The following RASAL2 variants were observed in gnomAD, a reference collection of about 807,000 sequenced individuals.
RASAL2 encodes RAS protein activator like 2, also known as ras GTPase-activating protein nGAP.
A neutral mutation model predicts 128.9 loss-of-function variants in RASAL2; 58 were observed. The ratio of observed to expected loss-of-function variants is 0.45; its 90% CI spans 0.36 to 0.56. The LOEUF (loss-of-function observed/expected upper bound fraction) is 0.56, where lower values mean the gene tolerates loss of function less well. Among genes scored for constraint, RASAL2 ranks in the 20% least tolerant of loss-of-function variants. The pLI, the probability that RASAL2 is intolerant of heterozygous loss-of-function variation, is 0.00. For missense variants in RASAL2, 1,360 were observed against 1,601.6 expected (o/e 0.85, Z 2.57); for synonymous variants, 561 against 580.8 (o/e 0.97, Z 0.49).
intron 3 of RASAL2, among the ~76,000 whole-genome samples, chr1:178,363,400 C>T (rs1194800305): frequency 6.6e-6 from 1 of 152,030 alleles, no homozygotes; most frequent in Admixed American, 6.5e-5. Flanking sequence ...TTGATATTAA[C>T]CCCTTATCAG....
At chr1:178,138,034 C>T (rs1011753301) in intron 1 of RASAL2, among the ~76,000 whole-genome samples, 6 of 152,180 alleles carry the variant, frequency 3.9e-5, no homozygotes, top group African/African-American at 1.4e-4. Flanking sequence ...CTGCTCAGTG[C>T]TTTCCAGAAG....
At chr1:178,303,016 C>CA (rs765163010) in intron 3 of RASAL2, among the ~76,000 whole-genome samples, 160 of 146,860 alleles carry the variant, frequency 1.1e-3, no homozygotes, top group African/African-American at 2.6e-3. Context: ...CACTCCATCT[C>CA]AAAAAAAAAC....
intron 1 of RASAL2, among the ~76,000 whole-genome samples, chr1:178,143,639 G>A (rs1458334064): frequency 1.3e-5 from 2 of 152,026 alleles, no homozygotes; most frequent in East Asian, 3.9e-4. Context: ...ATCAGTGTAT[G>A]CAAATGAATA....
At chr1:178,201,813 G>A (rs1371382588) in intron 1 of RASAL2, among the ~76,000 whole-genome samples, 3 of 152,170 alleles carry the variant, frequency 2.0e-5, no homozygotes, top group Non-Finnish European at 4.4e-5. Context: ...AAACGTTCAG[G>A]TCAAGTGGAC....
intron 1 of RASAL2, among the ~76,000 whole-genome samples, chr1:178,110,544 TATAC>T (rs1659265441): frequency 6.9e-6 from 1 of 145,954 alleles, no homozygotes; most frequent in Non-Finnish European, 1.5e-5. Flanking sequence ...ATATACTATA[TATAC>T]AGTGTATATA....
chr1:178,323,265 C>G (rs767706088), intron 3 of RASAL2, among the ~76,000 whole-genome samples: 22 of 152,272 alleles, frequency 1.4e-4, no homozygotes, highest in Non-Finnish European at 2.8e-4. Flanking sequence ...ATCACCATAG[C>G]AGGTTGTTTT....
chr1:178,242,025 T>G (rs989466307), intron 1 of RASAL2, among the ~76,000 whole-genome samples: 2 of 152,196 alleles, frequency 1.3e-5, no homozygotes, highest in Non-Finnish European at 2.9e-5. Flanking sequence ...GTTTGTTTCT[T>G]GATTTATTTA....
chr1:178,219,514 G>C (rs141980953), intron 1 of RASAL2, among the ~76,000 whole-genome samples: 1 of 151,626 alleles, frequency 6.6e-6, no homozygotes, highest in East Asian at 1.9e-4. Flanking sequence ...GGTGGTGCAC[G>C]CACATAGTCC....
rs1026280431 is a variant in RASAL2 at position 178,164,639 on chromosome 1, G to A, written c.202+69945G>A. ...ACAGGATTTTTTTCTCTGTTTTAAA[G>A]AAGGCAGAAATATATATTCCTGGGT... On this transcript the variant is annotated intron_variant, in intron 1 of 17. Transcript: ENST00000367649. 2.0e-5 allele frequency among the ~76,000 whole-genome samples: 3 copies of A among 151,868 alleles called. No homozygotes were observed. The East Asian group carries it at 5.8e-4, about 29-fold the overall frequency.
At chr1:178,311,253 A>ACACACACACACACACACACACAC (rs1668232217) in intron 3 of RASAL2, among the ~76,000 whole-genome samples, 3 of 143,602 alleles carry the variant, frequency 2.1e-5, no homozygotes, top group Admixed American at 1.4e-4. Context: ...CACACACACA[A>ACACACACACACACACACACACAC]ACACACACAC....
chr1:178,356,262 A>G (rs1670806043), intron 3 of RASAL2, among the ~76,000 whole-genome samples: 1 of 152,094 alleles, frequency 6.6e-6, no homozygotes, highest in African/African-American at 2.4e-5. Flanking sequence ...GTTGTCAAGC[A>G]TATAGAGCAA....
intron 3 of RASAL2, among the ~76,000 whole-genome samples, chr1:178,366,211 A>G (rs1028811426): frequency 6.6e-6 from 1 of 152,240 alleles, no homozygotes; most frequent in Non-Finnish European, 1.5e-5. Context: ...AAATGCATAT[A>G]TATAATAAAA....
At chr1:178,267,462 A>C (rs1666014497) in intron 1 of RASAL2, among the ~76,000 whole-genome samples, 1 of 144,242 alleles carries the variant, frequency 6.9e-6, no homozygotes, top group Non-Finnish European at 1.5e-5. Context: ...GAATATCATT[A>C]TTATTTTTCC....
At chr1:178,383,675 T>A (rs1168581951) in intron 3 of RASAL2, among the ~76,000 whole-genome samples, 2 of 152,186 alleles carry the variant, frequency 1.3e-5, no homozygotes, top group African/African-American at 4.8e-5. Flanking sequence ...ATTTCATCCT[T>A]CCTATTCTGT....
intron 15 of RASAL2, among the ~76,000 whole-genome samples, chr1:178,464,838 T>TTTTTTTTTG (rs1647502477): frequency 7.0e-6 from 1 of 143,176 alleles, no homozygotes; most frequent in Non-Finnish European, 1.5e-5. Context: ...GTTGTTTTTT[T>TTTTTTTTTG]TTTTTTTTTT....
At chr1:178,131,702 A>C (rs1482411865) in intron 1 of RASAL2, among the ~76,000 whole-genome samples, 1 of 152,158 alleles carries the variant, frequency 6.6e-6, no homozygotes, top group African/African-American at 2.4e-5. Context: ...TAGACTGAGG[A>C]GTAGGTGAGT....
chr1:178,102,498 A>G (rs1350368249), intron 1 of RASAL2, among the ~76,000 whole-genome samples: 2 of 152,134 alleles, frequency 1.3e-5, no homozygotes, highest in African/African-American at 4.8e-5. Context: ...CTGGGACTAC[A>G]GGAGTGTGCT....
chr1:178,468,541 G>C (rs1434863374), intron 17 of RASAL2, among the ~76,000 whole-genome samples: 1 of 152,170 alleles, frequency 6.6e-6, no homozygotes, highest in Non-Finnish European at 1.5e-5. Flanking sequence ...TGGAAAGAAT[G>C]CTTCATGGGC....
chr1:178,211,905 A>G (rs1380813460), intron 1 of RASAL2, among the ~76,000 whole-genome samples: 1 of 152,212 alleles, frequency 6.6e-6, no homozygotes, highest in Non-Finnish European at 1.5e-5. Context: ...GGAATATAGA[A>G]TGCATTGTTT....
Sources: allele counts gnomAD v4.1 joint callset (sites outside exome capture counted in the v4.1 genomes callset), GRCh38; gene constraint gnomAD v4.1.1; transcripts MANE v1.5; gene names NCBI Gene and HGNC (gene_info 2026-07-23, HGNC 2026-07-21).